The following FGGY variants were observed in gnomAD, a reference collection of about 807,000 sequenced individuals.
The protein encoded by FGGY is FGGY carbohydrate kinase domain-containing protein.
A neutral mutation model predicts 71.3 loss-of-function variants in FGGY; 72 were observed. That is an observed-to-expected ratio of 1.01 (90% CI 0.84 to 1.23). The LOEUF is 1.23. Ranked by LOEUF, FGGY falls within the 50% of genes most tolerant of loss-of-function variation. The pLI is 0.00. For missense variants in FGGY, 668 were observed against 682.3 expected (o/e 0.98, Z 0.23); for synonymous variants, 251 against 250.3 (o/e 1.00, Z -0.02).
intron 5 of FGGY, among the ~76,000 whole-genome samples, chr1:59,426,756 T>A (rs950181396): frequency 3.9e-5 from 6 of 152,072 alleles, no homozygotes; most frequent in Non-Finnish European, 7.4e-5. Flanking sequence ...CCGCAATCCC[T>A]AGAACTGTGT....
chr1:59,537,212 C>T (rs1470944425), intron 7 of FGGY, among the ~76,000 whole-genome samples: 1 of 151,278 alleles, frequency 6.6e-6, no homozygotes, highest in Non-Finnish European at 1.5e-5. Context: ...AACAGACAAA[C>T]AGAGATCCAA....
chr1:59,556,270 G>C (rs1436699762), intron 8 of FGGY, among the ~76,000 whole-genome samples: 3 of 152,162 alleles, frequency 2.0e-5, no homozygotes, highest in African/African-American at 7.2e-5. Context: ...CTGAATCTCA[G>C]GCATTTTTAC....
rs72917780 is a variant in FGGY, at chr1:59,573,977, A to G, written c.903+19750A>G. On this transcript the variant is annotated intron_variant, in intron 8 of 15. Transcript: ENST00000303721. ...TTGTCTTGCATTACTGTTTCTAGTC[A>G]CTCTGTACTATATTATCTGTGTATG... Among the ~76,000 whole-genome samples, 698 of 151,948 alleles carry G rather than the reference A, an allele frequency of 4.6e-3. 5 individuals carry two copies. The highest frequency in any genetic ancestry group is 0.016 in the African/African-American group (651 of 41,442).
Position 59,413,789 on chromosome 1 carries a change from C to T in FGGY, c.554+34952C>T, listed in dbSNP as rs530833891. 9.9e-5 allele frequency among the ~76,000 whole-genome samples: 15 copies of T among 152,180 alleles called. 2 individuals are homozygous for T. The South Asian group carries it at 1.9e-3, about 19-fold the overall frequency. Reference sequence around the variant, plus strand: ...CAGCCTGGGCAACATGGCAAAACCCCGTCTCTACAAAAAATACAATAATTA... The same window carrying T: ...CAGCCTGGGCAACATGGCAAAACCCTGTCTCTACAAAAAATACAATAATTA... On this transcript the variant is annotated intron_variant, in intron 5 of 15. Transcript: ENST00000303721.
chr1:59,711,862 C>G, intron 14 of FGGY, among the ~76,000 whole-genome samples: 1 of 152,168 alleles, frequency 6.6e-6, no homozygotes, highest in Non-Finnish European at 1.5e-5. Flanking sequence ...GATGCGGACA[C>G]AGCCAAACCA....
chr1:59,666,256 T>C (rs2097325135), intron 12 of FGGY, among the ~76,000 whole-genome samples: 2 of 152,288 alleles, frequency 1.3e-5, no homozygotes, highest in South Asian at 4.1e-4. Flanking sequence ...TCTCCCCAGA[T>C]TGCTCAATCT....
In FGGY at chr1:59,320,436, CTGGAG is replaced by C. The variant is rs2046188874; in HGVS notation, c.-14-1099_-14-1095del. 2.0e-5 allele frequency among the ~76,000 whole-genome samples: 3 copies of C among 152,114 alleles called. No individual in the cohort carries two copies. In the South Asian group the frequency reaches 6.2e-4, roughly 32 times the overall value. On this transcript the variant is annotated intron_variant, in intron 1 of 15. Coordinates refer to ENST00000303721, the MANE Select transcript of FGGY (RefSeq NM_018291.5). The stretch of plus-strand genomic sequence containing the variant: ...GGTGGTAAAACTGCCTTGAGCTCAC[CTGGAG>C]AGTTGTAGGGCATCCACCTGCTCAG...
intron 14 of FGGY, among the ~76,000 whole-genome samples, chr1:59,729,010 C>A (rs891504071): frequency 2.6e-5 from 4 of 151,972 alleles, no homozygotes; most frequent in African/African-American, 9.7e-5. Context: ...ATATTCTAAC[C>A]ATGCATATGT....
intron 14 of FGGY, among the ~76,000 whole-genome samples, chr1:59,733,812 A>G (rs1174080602): frequency 1.3e-5 from 2 of 152,200 alleles, no homozygotes; most frequent in South Asian, 2.1e-4. Flanking sequence ...AGTGGGCCAC[A>G]TGCCTAAGCC....
At chr1:59,662,866 C>T (rs2097290156) in intron 12 of FGGY, among the ~76,000 whole-genome samples, 1 of 152,166 alleles carries the variant, frequency 6.6e-6, no homozygotes, top group South Asian at 2.1e-4. Context: ...AATGTATTCC[C>T]ATGGTTAAAG....
chr1:59,415,091 C>T lies in FGGY; in HGVS notation c.554+36254C>T, dbSNP rs139943323. 4.3e-4 allele frequency among the ~76,000 whole-genome samples: 66 copies of T among 152,232 alleles called. 2 individuals carry two copies. The East Asian group carries it at 0.012, about 27-fold the overall frequency. ...GGGACAGGATCACATCTGCCCCACT[C>T]GCTAACGGAGTTACCCTCAGCTCAA... is the stretch of plus-strand genomic sequence containing the variant. On this transcript the variant is annotated intron_variant, in intron 5 of 15. Transcript: ENST00000303721.
chr1:59,609,543 G>C (rs973341041), intron 9 of FGGY, among the ~76,000 whole-genome samples: 1 of 152,166 alleles, frequency 6.6e-6, no homozygotes. Flanking sequence ...GCTTCTGAGA[G>C]ATCAAATGTG....
intron 5 of FGGY, among the ~76,000 whole-genome samples, chr1:59,408,719 T>C (rs2063141434): frequency 4.6e-5 from 7 of 152,150 alleles, no homozygotes; most frequent in Admixed American, 4.6e-4. Flanking sequence ...ACATGACCCT[T>C]GGAAAGGTGG....
chr1:59,420,549 G>A (rs987812355), intron 5 of FGGY, among the ~76,000 whole-genome samples: 1 of 152,128 alleles, frequency 6.6e-6, no homozygotes, highest in African/African-American at 2.4e-5. Context: ...CATCCATTTT[G>A]TGAGTCCAGT....
chr1:59,449,487 GT>G (rs1330573847), intron 5 of FGGY, among the ~76,000 whole-genome samples: 1 of 152,086 alleles, frequency 6.6e-6, no homozygotes, highest in East Asian at 1.9e-4. Flanking sequence ...GTTTCACCAT[GT>G]TGGTCAGGCT....
At chr1:59,731,229 T>A (rs1048425919) in intron 14 of FGGY, among the ~76,000 whole-genome samples, 1 of 152,154 alleles carries the variant, frequency 6.6e-6, no homozygotes, top group Non-Finnish European at 1.5e-5. Context: ...GCTTTGCAAA[T>A]GCCCACAAAC....
At chr1:59,350,505 C>T (rs1435903082) in intron 4 of FGGY, among the ~76,000 whole-genome samples, 1 of 152,156 alleles carries the variant, frequency 6.6e-6, no homozygotes, top group Admixed American at 6.6e-5. Flanking sequence ...TGAAGAGAGA[C>T]TGTGGTTCAT....
chr1:59,490,991 C>T (rs2093813976), intron 6 of FGGY, among the ~76,000 whole-genome samples: 1 of 122,932 alleles, frequency 8.1e-6, no homozygotes, highest in South Asian at 2.9e-4. Context: ...TGCTTGCTTG[C>T]TTGCTTCCTT....
intron 4 of FGGY, among the ~76,000 whole-genome samples, chr1:59,374,215 C>A (rs992272607): frequency 6.6e-6 from 1 of 151,950 alleles, no homozygotes; most frequent in African/African-American, 2.4e-5. Context: ...AAGAAAAAAA[C>A]AAGCAACCCC....
Sources: gnomAD v4.1 joint callset for allele counts (sites outside exome capture counted in the v4.1 genomes callset) on GRCh38, gnomAD v4.1.1 for gene constraint, MANE v1.5 for transcripts, NCBI Gene and HGNC (gene_info 2026-07-23, HGNC 2026-07-21) for gene names.